The following ATP7B variants were observed in gnomAD, a reference collection of about 807,000 sequenced individuals.
ATP7B encodes copper-transporting ATPase 2.
Under a neutral mutation model 118.9 loss-of-function variants are expected in ATP7B, and 113 were observed. The ratio of observed to expected loss-of-function variants is 0.95; its 90% confidence interval spans 0.82 to 1.11. ATP7B has a LOEUF of 1.11. ATP7B is among the 50% of genes most tolerant of loss of function. The pLI, the probability that ATP7B is intolerant of heterozygous loss-of-function variation, is 0.00. For missense variants in ATP7B, 1,867 were observed against 1,871.4 expected, an observed-to-expected ratio of 1.00 and a Z score of 0.04; for synonymous variants, 777 against 727.4, an observed-to-expected ratio of 1.07 and a Z score of -1.10.
intron 1 of ATP7B, among the ~76,000 whole-genome samples, chr13:51,983,350 A>G (rs879351521): frequency 1.3e-5 from 2 of 152,204 alleles, no homozygotes; most frequent in Admixed American, 6.5e-5. Flanking sequence ...TACTGTAGCT[A>G]GACTGCCTCT....
Position 51,946,422 on chromosome 13 carries a change from C to T in ATP7B, c.2922G>A (p.Thr974=), listed in dbSNP as rs751802421. ...AGGCAATGCACAGCACCGTGATGGA[C>T]GTCTGGAAAGCAAACCGGATGATCA... ...TEVIIRFAFQ[T]SITVLCIACP... is the part of the protein sequence containing the mutation. Residue 974 remains threonine, a synonymous_variant, in exon 13 of 21, where the codon ACG becomes ACA. Coordinates refer to ENST00000242839, the MANE Select transcript of ATP7B (RefSeq NM_000053.4). The T allele has an allele frequency of 7.4e-6, 12 of 1,614,066 alleles. No homozygotes were observed. Among genetic ancestry groups the T allele is most frequent in the Admixed American group, 5.0e-5 (3 of 60,006 alleles).
chr13:51,952,297 G>T (rs1305177809), intron 9 of ATP7B, among the ~76,000 whole-genome samples: 1 of 152,216 alleles, frequency 6.6e-6, no homozygotes, highest in Non-Finnish European at 1.5e-5. Context: ...GGGCCCAACA[G>T]AATTAATTGT....
intron 4 of ATP7B, 23 bp downstream of exon 4, chr13:51,968,421 C>T (rs562503095): frequency 8.7e-6 from 14 of 1,614,148 alleles, no homozygotes; most frequent in Middle Eastern, 1.6e-4. Context: ...CCTGTAACCC[C>T]GTAACGCACC....
chr13:52,011,695 T>C (rs1368882278), upstream of ATP7B, among the ~76,000 whole-genome samples: 1 of 152,204 alleles, frequency 6.6e-6, no homozygotes, highest in East Asian at 1.9e-4. Flanking sequence ...CAGTGTTCTC[T>C]GCCGTGCCAG....
At position 51,946,900 on chromosome 13, in the gene ATP7B, G is replaced by C. The variant is rs1957700884; in HGVS notation, c.2866-422C>G. ...ACACAGTACATAACACCTGGCATAG[G>C]AGCGGCATTTAAGAAACAGTAACTA... is the stretch of plus-strand genomic sequence containing the variant. On this transcript the variant is annotated intron_variant, in intron 12 of 20. Transcript: ENST00000242839. Among the ~76,000 whole-genome samples, 3 of 152,284 alleles carry C rather than the reference G, an allele frequency of 2.0e-5. 1 individual carries two copies. In the South Asian group the frequency reaches 6.2e-4, roughly 32 times the overall value.
chr13:51,944,769 T>C (rs547855345), intron 13 of ATP7B, among the ~76,000 whole-genome samples: 6 of 152,290 alleles, frequency 3.9e-5, no homozygotes, highest in South Asian at 4.2e-4. Flanking sequence ...GACTATTCTA[T>C]GGCCATAATG....
At chr13:51,944,395 C>T (rs994066119) in intron 13 of ATP7B, 104 bp from the exon 14 acceptor site, 19 of 1,383,210 alleles carry the variant, frequency 1.4e-5, no homozygotes, top group Non-Finnish European at 1.8e-5. Flanking sequence ...AGACAGGAAA[C>T]AAGACACCTG....
intron 1 of ATP7B, among the ~76,000 whole-genome samples, chr13:51,998,124 C>G (rs1208818513): frequency 6.6e-6 from 1 of 152,184 alleles, no homozygotes; most frequent in Non-Finnish European, 1.5e-5. Flanking sequence ...CTGTGGAATC[C>G]TGCTAGCAGC....
rs1446554136 is a variant in ATP7B, at chr13:51,973,941, C to T, written c.1279G>A (p.Val427Ile). ...CCTCAAACACACTACGTACCAGAAA[C>T]GACTGAAGCCTCAAATCCCATGTCT... is the stretch of plus-strand genomic sequence containing the variant. ...IEDMGFEASV[V>I]SESCSTNPLG... The change falls in exon 2 of 21, where the codon GTT becomes ATT. Residue 427 changes from valine (V) to isoleucine (I), a missense_variant. Physicochemically the swap from Val to Ile is conservative, Grantham distance 29. Coordinates refer to ENST00000242839, the MANE Select transcript of ATP7B (RefSeq NM_000053.4). 10 of 1,614,236 alleles carry T rather than the reference C, an allele frequency of 6.2e-6. No individual in the cohort carries two copies. The highest frequency in any genetic ancestry group is 1.6e-4 in the Middle Eastern group (1 of 6,062).
intron 1 of ATP7B, among the ~76,000 whole-genome samples, chr13:51,992,980 A>C (rs1298389687): frequency 4.9e-5 from 2 of 40,720 alleles, no homozygotes; most frequent in South Asian, 7.4e-4. Flanking sequence ...ACTCTGTCTC[A>C]AAAAAAAAAA....
At chr13:51,966,729 G>T in intron 4 of ATP7B, 2 of 1,573,660 alleles carry the variant, frequency 1.3e-6, no homozygotes, top group African/African-American at 2.7e-5. Flanking sequence ...ACGCCAGCCC[G>T]CCCGCACCCA....
intron 9 of ATP7B, among the ~76,000 whole-genome samples, chr13:51,955,787 GA>G (rs910642187): frequency 1.3e-5 from 2 of 149,072 alleles, no homozygotes; most frequent in South Asian, 2.1e-4. Flanking sequence ...TATAAGAGAA[GA>G]AAAAAAAAAG....
intron 1 of ATP7B, among the ~76,000 whole-genome samples, chr13:51,993,994 G>T (rs902466643): frequency 6.6e-6 from 1 of 152,132 alleles, no homozygotes; most frequent in Non-Finnish European, 1.5e-5. Flanking sequence ...ACCAGCACAC[G>T]TCATATCTCA....
intron 19 of ATP7B, among the ~76,000 whole-genome samples, chr13:51,936,781 C>A (rs1956991749): frequency 6.6e-6 from 1 of 152,182 alleles, no homozygotes; most frequent in Admixed American, 6.5e-5. Context: ...CCTGCCTCAG[C>A]CTCCCAAAGT....
At chr13:51,968,679 C>T (rs532319945) in intron 3 of ATP7B, 72 bp from the exon 4 acceptor site, 21 of 1,550,704 alleles carry the variant, frequency 1.4e-5, no homozygotes, top group South Asian at 1.2e-4. Flanking sequence ...TCAATATAAC[C>T]GAACAAAGAA....
At chr13:52,005,809 T>C (rs2140622891) in intron 1 of ATP7B, among the ~76,000 whole-genome samples, 1 of 152,332 alleles carries the variant, frequency 6.6e-6, no homozygotes, top group Non-Finnish European at 1.5e-5. Flanking sequence ...TCTTAGTCCC[T>C]TTGTGCCTCT....
At chr13:51,998,801 C>A (rs753570748) in intron 1 of ATP7B, among the ~76,000 whole-genome samples, 25 of 152,350 alleles carry the variant, frequency 1.6e-4, no homozygotes, top group African/African-American at 5.8e-4. Flanking sequence ...TTTCCATGAA[C>A]CTCCAGGACA....
chr13:51,934,852 C>T lies in ATP7B; in HGVS notation c.4302G>A (p.Thr1434=), dbSNP rs116091486. The change falls in exon 21 of 21, where the codon ACG becomes ACA. Residue 1434 remains threonine, a synonymous_variant. Coordinates refer to ENST00000242839, the MANE Select transcript of ATP7B (RefSeq NM_000053.4). ...YVSQVSLSSL[T]SDKPSRHSAA... is the part of the protein sequence containing the mutation. ...CGCTGTGCCGAGATGGCTTGTCGGA[C>T]GTCAGGGAGGACAGCGACACCTGGC... is the stretch of plus-strand genomic sequence containing the variant. 2.1e-3 allele frequency: 3,311 copies of T among 1,614,176 alleles called. 52 individuals are homozygous for T. In the African/African-American group the frequency reaches 0.036, roughly 18 times the overall value.
chr13:52,011,457 G>GGCGCT (rs1353739225), upstream of ATP7B: 3 of 1,274,312 alleles, frequency 2.4e-6, no homozygotes, highest in Non-Finnish European at 3.4e-6. Context: ...TGAGGGCATC[G>GGCGCT]GCGCGGCTCG....
Sources: gnomAD v4.1 joint callset for allele counts (sites outside exome capture counted in the v4.1 genomes callset) on GRCh38, gnomAD v4.1.1 for gene constraint, MANE v1.5 for transcripts, NCBI Gene and HGNC (gene_info 2026-07-23, HGNC 2026-07-21) for gene names.